The following CHN2 variants were observed in gnomAD, a reference collection of about 807,000 sequenced individuals.
The protein encoded by CHN2 is beta-chimaerin.
In CHN2, 35 loss-of-function variants were observed where a neutral mutation model predicts 56.3. That is an observed-to-expected ratio of 0.62 (90% CI 0.47 to 0.82). The LOEUF (loss-of-function observed/expected upper bound fraction) is 0.82, where lower values mean the gene tolerates loss of function less well. CHN2 is among the 40% of genes least tolerant of loss of function. The pLI, the probability that CHN2 is intolerant of heterozygous loss-of-function variation, is 0.00. For synonymous variants in CHN2, 210 were observed against 212.8 expected, an observed-to-expected ratio of 0.99 and a Z score of 0.12; for missense variants, 491 against 580.5, an observed-to-expected ratio of 0.85 and a Z score of 1.58.
intron 6 of CHN2, among the ~76,000 whole-genome samples, chr7:29,405,164 TACACACACACACACACACACAC>T (rs57823678): frequency 0.16 from 17,267 of 105,356 alleles, 1,398 homozygotes; most frequent in Middle Eastern, 0.28. Flanking sequence ...TATGTCACCA[TACACACACACACACACACACAC>T]ACACACACAC....
intron 2 of CHN2, among the ~76,000 whole-genome samples, chr7:29,166,259 C>T (rs1795907698): frequency 6.6e-6 from 1 of 152,094 alleles, no homozygotes; most frequent in African/African-American, 2.4e-5. Flanking sequence ...GTCTCAAACT[C>T]CTGGCCTCAA....
At chr7:29,360,492 C>T (rs1798652627) in intron 2 of CHN2, among the ~76,000 whole-genome samples, 1 of 152,118 alleles carries the variant, frequency 6.6e-6, no homozygotes, top group Admixed American at 6.5e-5. Flanking sequence ...TGCACTGCAG[C>T]CTGGGCAACA....
At chr7:29,401,145 G>A (rs540031128) in intron 6 of CHN2, 42 of 278,144 alleles carry the variant, frequency 1.5e-4, no homozygotes, top group African/African-American at 8.8e-4. Flanking sequence ...GTGGGCGCCT[G>A]TAGTCCCAGT....
At chr7:29,380,084 C>A (rs1800371581) in intron 3 of CHN2, among the ~76,000 whole-genome samples, 1 of 152,162 alleles carries the variant, frequency 6.6e-6, no homozygotes, top group African/African-American at 2.4e-5. Flanking sequence ...CTGCTGCTAT[C>A]CCTGGGCAGG....
chr7:29,453,049 C>T (rs849927), intron 6 of CHN2, among the ~76,000 whole-genome samples: 4 of 152,192 alleles, frequency 2.6e-5, no homozygotes, highest in Non-Finnish European at 4.4e-5. Context: ...TGGTTGTTGA[C>T]ACTGATTCTT....
intron 3 of CHN2, among the ~76,000 whole-genome samples, chr7:29,386,179 G>T (rs1800900156): frequency 6.6e-6 from 1 of 152,152 alleles, no homozygotes; most frequent in African/African-American, 2.4e-5. Context: ...TTCATTCTAT[G>T]CTCTGCACTT....
At chr7:29,237,579 C>G (rs899500108) in intron 1 of CHN2, among the ~76,000 whole-genome samples, 1 of 152,012 alleles carries the variant, frequency 6.6e-6, no homozygotes, top group East Asian at 1.9e-4. Context: ...GGAGTAAGTG[C>G]CTTTGCCAGA....
intron 1 of CHN2, among the ~76,000 whole-genome samples, chr7:29,263,641 C>A (rs1789779996): frequency 6.6e-6 from 1 of 151,696 alleles, no homozygotes; most frequent in Non-Finnish European, 1.5e-5. Context: ...TGCCCGGCCG[C>A]CCAGTATGGG....
At chr7:29,331,579 G>A (rs1406474420) in intron 1 of CHN2, among the ~76,000 whole-genome samples, 1 of 152,148 alleles carries the variant, frequency 6.6e-6, no homozygotes, top group East Asian at 1.9e-4. Flanking sequence ...AAGTAGTGTG[G>A]TTGGTAGAGG....
intron 1 of CHN2, among the ~76,000 whole-genome samples, chr7:29,254,900 A>T (rs1788946072): frequency 6.6e-6 from 1 of 152,100 alleles, no homozygotes; most frequent in African/African-American, 2.4e-5. Flanking sequence ...CTTAAAGGAG[A>T]TTGGTCAGAG....
At chr7:29,314,920 C>A (rs558188394) in intron 1 of CHN2, among the ~76,000 whole-genome samples, 1 of 151,518 alleles carries the variant, frequency 6.6e-6, no homozygotes, top group Admixed American at 6.6e-5. Flanking sequence ...TTGATTAAAA[C>A]GACATCTTGG....
chr7:29,377,828 G>A (rs779700563), intron 3 of CHN2, among the ~76,000 whole-genome samples: 16 of 152,230 alleles, frequency 1.1e-4, no homozygotes, highest in South Asian at 4.1e-4. Context: ...AGCAAGCTCT[G>A]CTTCAACGAT....
intron 3 of CHN2, 54 bp downstream of exon 3, chr7:29,368,041 A>G: frequency 1.3e-6 from 2 of 1,485,488 alleles, no homozygotes; most frequent in Non-Finnish European, 1.8e-6. Flanking sequence ...AATTGTCAGC[A>G]CTATGTAGAG....
intron 2 of CHN2, among the ~76,000 whole-genome samples, chr7:29,164,779 C>CAAAAAAAA (rs55742522): frequency 1.2e-5 from 1 of 85,880 alleles, no homozygotes; most frequent in African/African-American, 4.3e-5. Context: ...AGACCTGTCT[C>CAAAAAAAA]AAAAAAAAAA....
intron 3 of CHN2, among the ~76,000 whole-genome samples, chr7:29,372,937 G>C (rs140599510): frequency 6.6e-6 from 1 of 152,260 alleles, no homozygotes; most frequent in East Asian, 1.9e-4. Flanking sequence ...TTTTGAAATC[G>C]CTATAGTGAA....
At chr7:29,458,638 G>A (rs1784940651) in intron 6 of CHN2, among the ~76,000 whole-genome samples, 1 of 152,024 alleles carries the variant, frequency 6.6e-6, no homozygotes, top group Non-Finnish European at 1.5e-5. Context: ...GGAAAGTGAG[G>A]GCCCAAATAT....
intron 1 of CHN2, among the ~76,000 whole-genome samples, chr7:29,273,792 G>T (rs1790951515): frequency 6.6e-6 from 1 of 152,100 alleles, no homozygotes; most frequent in Non-Finnish European, 1.5e-5. Flanking sequence ...ATGGGAGGTG[G>T]TTGGATTTCA....
At chr7:29,249,570 C>A (rs1017110709) in intron 1 of CHN2, among the ~76,000 whole-genome samples, 1 of 152,190 alleles carries the variant, frequency 6.6e-6, no homozygotes, top group Non-Finnish European at 1.5e-5. Context: ...TTTAACCAGG[C>A]AAGTTGACAC....
chr7:29,398,069 G>T (rs926695925), intron 4 of CHN2: 4 of 206,130 alleles, frequency 1.9e-5, no homozygotes, highest in African/African-American at 2.4e-5. Context: ...GGGGGGGGGG[G>T]GGCGGTGGTT....
Sources: allele counts gnomAD v4.1 joint callset (sites outside exome capture counted in the v4.1 genomes callset), GRCh38; gene constraint gnomAD v4.1.1; transcripts MANE v1.5; gene names NCBI Gene and HGNC (gene_info 2026-07-23, HGNC 2026-07-21).